Variants in MAP3K7 observed in about 807,000 individuals in gnomAD.
The protein encoded by MAP3K7 is TGF-beta activated kinase 1.
In MAP3K7, 21 loss-of-function variants were observed where a neutral mutation model predicts 84.8. The observed-to-expected ratio is 0.25, with a 90% CI of 0.18 to 0.36. The LOEUF is 0.36. MAP3K7 is among the 10% of genes least tolerant of loss of function. The probability of loss-of-function intolerance (pLI) is 1.00; values close to 1 mark genes in which losing one functional copy is unlikely to be tolerated. For missense variants in MAP3K7, 503 were observed against 747.7 expected (o/e 0.67, Z 3.82); for synonymous variants, 241 against 247.7 (o/e 0.97, Z 0.25).
intron 1 of MAP3K7, among the ~76,000 whole-genome samples, chr6:90,585,636 T>C (rs1044573931): frequency 6.6e-6 from 1 of 152,150 alleles, no homozygotes; most frequent in Non-Finnish European, 1.5e-5. Flanking sequence ...AATTTTATAG[T>C]CATTAGAACC....
intron 3 of MAP3K7, among the ~76,000 whole-genome samples, chr6:90,562,930 T>G (rs1776575502): frequency 6.6e-6 from 1 of 152,218 alleles, no homozygotes; most frequent in Admixed American, 6.5e-5. Flanking sequence ...TTTGCTGTTC[T>G]GCAGCCTCTG....
chr6:90,564,440 C>A (rs1239096386), intron 3 of MAP3K7, among the ~76,000 whole-genome samples: 1 of 152,052 alleles, frequency 6.6e-6, no homozygotes, highest in Non-Finnish European at 1.5e-5. Flanking sequence ...ATAAAACAGA[C>A]TTTAAACCAA....
intron 13 of MAP3K7, among the ~76,000 whole-genome samples, chr6:90,535,424 T>C (rs1433570127): frequency 6.6e-6 from 1 of 151,940 alleles, no homozygotes; most frequent in African/African-American, 2.4e-5. Context: ...TTTCATTACT[T>C]AATACTTAAT....
At chr6:90,567,567 G>A (rs1447660109) in intron 3 of MAP3K7, among the ~76,000 whole-genome samples, 1 of 152,186 alleles carries the variant, frequency 6.6e-6, no homozygotes, top group Non-Finnish European at 1.5e-5. Context: ...GGAAACAACA[G>A]GTGCTGGAGA....
chr6:90,571,831 A>G, intron 1 of MAP3K7, 24 bp from the exon 2 acceptor site: 1 of 1,393,340 alleles, frequency 7.2e-7, no homozygotes, highest in Non-Finnish European at 9.9e-7. Context: ...ACAAACAAAA[A>G]ACAAACAAAA....
chr6:90,530,451 T>C (rs467119), intron 13 of MAP3K7, among the ~76,000 whole-genome samples: 55,285 of 151,678 alleles, frequency 0.36, 10,479 homozygotes, highest in African/African-American at 0.48. Context: ...TTGCTACACC[T>C]TTCTTTTCAC....
chr6:90,585,043 T>C (rs1777397299), intron 1 of MAP3K7, among the ~76,000 whole-genome samples: 1 of 152,194 alleles, frequency 6.6e-6, no homozygotes, highest in African/African-American at 2.4e-5. Flanking sequence ...TGGAACTAGG[T>C]TTCCTAATAT....
chr6:90,568,331 G>A (rs1343761769), intron 3 of MAP3K7, among the ~76,000 whole-genome samples: 10 of 152,100 alleles, frequency 6.6e-5, no homozygotes, highest in Admixed American at 6.6e-4. Context: ...GTGTGTTGGT[G>A]ACATATTGTG....
Position 90,548,772 on chromosome 6 carries a change from T to C in MAP3K7, c.950-595A>G, listed in dbSNP as rs568735605. 1.3e-5 allele frequency among the ~76,000 whole-genome samples: 2 copies of C among 148,276 alleles called. 1 individual carries two copies. The highest frequency in any genetic ancestry group is 1.4e-4 in the Admixed American group (2 of 14,692). On this transcript the variant is annotated intron_variant, in intron 9 of 16. Coordinates refer to ENST00000369329, the MANE Select transcript of MAP3K7 (RefSeq NM_145331.3). ...AAAACTGAGAACAGACGGCCAGAGA[T>C]GTAAGATGGAATCTAGGCTAGTATG...
intron 12 of MAP3K7, 147 bp from the exon 13 acceptor site, chr6:90,536,548 G>GAAAA: frequency 2.3e-6 from 1 of 431,050 alleles, no homozygotes; most frequent in Non-Finnish European, 4.1e-6. Context: ...TTATTGCTAA[G>GAAAA]AAAAAAAAAA....
At chr6:90,545,401 A>G (rs1392388091) in intron 11 of MAP3K7, among the ~76,000 whole-genome samples, 1 of 152,150 alleles carries the variant, frequency 6.6e-6, no homozygotes, top group Non-Finnish European at 1.5e-5. Flanking sequence ...ATAATAATAA[A>G]AAACCAGTGC....
At chr6:90,564,794 T>A (rs1776647457) in intron 3 of MAP3K7, among the ~76,000 whole-genome samples, 1 of 152,182 alleles carries the variant, frequency 6.6e-6, no homozygotes, top group African/African-American at 2.4e-5. Flanking sequence ...ATTGCACTTA[T>A]TCCAAAATTG....
intron 13 of MAP3K7, among the ~76,000 whole-genome samples, chr6:90,527,019 A>G (rs1305843284): frequency 6.6e-6 from 1 of 152,196 alleles, no homozygotes; most frequent in Non-Finnish European, 1.5e-5. Flanking sequence ...TAGCAAATAT[A>G]ATGTGGCAGT....
chr6:90,549,439 C>T (rs1242090624), intron 9 of MAP3K7, among the ~76,000 whole-genome samples: 1 of 152,202 alleles, frequency 6.6e-6, no homozygotes, highest in African/African-American at 2.4e-5. Flanking sequence ...CCACACTCAG[C>T]TGCATTGGTA....
intron 4 of MAP3K7, among the ~76,000 whole-genome samples, chr6:90,560,590 G>C (rs903466891): frequency 6.6e-6 from 1 of 152,136 alleles, no homozygotes; most frequent in Non-Finnish European, 1.5e-5. Flanking sequence ...TTGATCTCTT[G>C]ACCTCATGAT....
Position 90,587,061 on chromosome 6 carries a change from G to T in MAP3K7, c.-178C>A. 4.4e-6 allele frequency: 3 copies of T among 680,490 alleles called. No homozygotes were observed. Among genetic ancestry groups the T allele is most frequent in the South Asian group, 2.7e-5 (1 of 37,354 alleles). The allele number at this position is 680,490 out of a possible 1,614,324, so 42.2% of individuals were successfully genotyped here. A position where few individuals can be genotyped will look rare whatever the true frequency, so the allele number is the denominator to read the frequency against. On this transcript the variant is annotated 5_prime_UTR_variant, in exon 1 of 17. Transcript: ENST00000369329. ...AGCCGTGTCCGGCTCTGGCTCCGCT[G>T]CGTTTTCCGCCGACGGGCCCCGCCC...
At chr6:90,580,888 T>G (rs1554186807) in intron 1 of MAP3K7, among the ~76,000 whole-genome samples, 1 of 152,266 alleles carries the variant, frequency 6.6e-6, no homozygotes, top group Non-Finnish European at 1.5e-5. Flanking sequence ...TGTTTTTGAT[T>G]AATTACTTTA....
intron 6 of MAP3K7, among the ~76,000 whole-genome samples, 199 bp downstream of exon 6, chr6:90,556,301 T>C (rs1776336763): frequency 6.6e-6 from 1 of 152,224 alleles, no homozygotes; most frequent in Admixed American, 6.5e-5. Flanking sequence ...ACTGTACATA[T>C]GCTTAGAAGC....
Position 90,523,545 on chromosome 6 carries a change from A to G in MAP3K7, c.1462+133T>C, listed in dbSNP as rs547165080. 6 of 527,018 alleles carry G rather than the reference A, an allele frequency of 1.1e-5. No homozygotes were observed. The East Asian group carries it at 1.7e-4, about 15-fold the overall frequency. The allele number at this position is 527,018 out of a possible 1,614,324, so 32.6% of individuals were successfully genotyped here. On this transcript the variant is annotated intron_variant, in intron 14 of 16. Coordinates refer to ENST00000369329, the MANE Select transcript of MAP3K7 (RefSeq NM_145331.3). Reference sequence around the variant, plus strand: ...ATGGTATTTTAACATGTATTACTAAATAGTTTATTTAATATAAAAATCTAA... The same window carrying G: ...ATGGTATTTTAACATGTATTACTAAGTAGTTTATTTAATATAAAAATCTAA...
Sources: gnomAD v4.1 joint callset for allele counts (sites outside exome capture counted in the v4.1 genomes callset) on GRCh38, gnomAD v4.1.1 for gene constraint, MANE v1.5 for transcripts, NCBI Gene and HGNC (gene_info 2026-07-23, HGNC 2026-07-21) for gene names.